Variants in AP4E1 observed in about 807,000 individuals in gnomAD.
AP4E1 encodes adaptor related protein complex 4 subunit epsilon 1.
In AP4E1, 56 loss-of-function variants were observed where a neutral mutation model predicts 128.2. The observed-to-expected ratio is 0.44, with a 90% confidence interval of 0.35 to 0.55. The LOEUF is 0.55. Among genes scored for constraint, AP4E1 ranks in the 20% least tolerant of loss-of-function variants. AP4E1 has a pLI of 0.00. For missense variants in AP4E1, 1,324 were observed against 1,307.7 expected, an observed-to-expected ratio of 1.01 and a Z score of -0.19; for synonymous variants, 484 against 473.1, an observed-to-expected ratio of 1.02 and a Z score of -0.30.
chr15:50,952,122 A>G (rs2064158356), intron 13 of AP4E1, among the ~76,000 whole-genome samples: 1 of 152,206 alleles, frequency 6.6e-6, no homozygotes, highest in Non-Finnish European at 1.5e-5. Flanking sequence ...TGAGCTGTTT[A>G]GAATTGAATT....
intron 7 of AP4E1, among the ~76,000 whole-genome samples, chr15:50,933,750 A>C (rs988119450): frequency 6.6e-6 from 1 of 152,176 alleles, no homozygotes. Context: ...TGAACTTTCT[A>C]GCTGTATATT....
At chr15:50,984,225 C>T in intron 16 of AP4E1, 80 bp downstream of exon 16, 1 of 1,498,888 alleles carries the variant, frequency 6.7e-7, no homozygotes. Context: ...TCTGCTCCTG[C>T]CTCATATCAT....
chr15:50,941,701 C>G lies in AP4E1; in HGVS notation c.1102C>G (p.Pro368Ala). 2 of 1,613,678 alleles carry G rather than the reference C, an allele frequency of 1.2e-6. No homozygotes were observed. The highest frequency in any genetic ancestry group is 1.7e-6 in the Non-Finnish European group (2 of 1,179,738). ...TCTTACCTATGTTATCCAACAGGAT[C>G]CTACTCTGGCTCTTCAACACCAGAT... Reference protein sequence around the residue: ...KALTYVIQQDPTLALQHQMTI... With the variant: ...KALTYVIQQDATLALQHQMTI... Residue 368 changes from proline (P) to alanine (A), a missense_variant, in exon 10 of 21, where the codon CCT becomes GCT. Coordinates refer to ENST00000261842, the MANE Select transcript of AP4E1 (RefSeq NM_007347.5).
At chr15:50,979,139 T>TGTTATGC (rs1491135803) in intron 15 of AP4E1, among the ~76,000 whole-genome samples, 2 of 148,854 alleles carry the variant, frequency 1.3e-5, no homozygotes, top group African/African-American at 5.2e-5. Context: ...TTTCTTGAGG[T>TGTTATGC]ATTCACTGTT....
At chr15:50,959,648 C>A (rs1296527514) in intron 14 of AP4E1, among the ~76,000 whole-genome samples, 1 of 151,996 alleles carries the variant, frequency 6.6e-6, no homozygotes, top group African/African-American at 2.4e-5. Context: ...GGCAGATACA[C>A]AAATGAGAAA....
At chr15:50,990,173 C>T (rs1000230177) in intron 16 of AP4E1, among the ~76,000 whole-genome samples, 1 of 151,620 alleles carries the variant, frequency 6.6e-6, no homozygotes, top group South Asian at 2.1e-4. Context: ...AAGGGCACAC[C>T]GTAGAAAACC....
intron 11 of AP4E1, 36 bp from the exon 12 acceptor site, chr15:50,949,790 A>G (rs1475039474): frequency 1.4e-6 from 2 of 1,460,842 alleles, no homozygotes; most frequent in Non-Finnish European, 1.9e-6. Context: ...AATAAGTAGC[A>G]TTTGGAAGTG....
At chr15:50,940,462 A>G (rs955073912) in intron 8 of AP4E1, among the ~76,000 whole-genome samples, 17 of 152,234 alleles carry the variant, frequency 1.1e-4, no homozygotes, top group African/African-American at 3.6e-4. Flanking sequence ...AAACATAGCT[A>G]GCTGAATATT....
At chr15:50,960,408 A>G (rs143907910) in intron 14 of AP4E1, among the ~76,000 whole-genome samples, 1 of 152,272 alleles carries the variant, frequency 6.6e-6, no homozygotes, top group East Asian at 1.9e-4. Flanking sequence ...AAAAAATTAA[A>G]ATCATAGCAA....
At chr15:50,998,825 A>G (rs2064917558) in intron 18 of AP4E1, among the ~76,000 whole-genome samples, 1 of 152,200 alleles carries the variant, frequency 6.6e-6, no homozygotes. Context: ...CAGCCAGGAC[A>G]TTTACAGTTT....
chr15:50,962,169 T>A (rs2064324483), intron 14 of AP4E1, among the ~76,000 whole-genome samples: 1 of 151,984 alleles, frequency 6.6e-6, no homozygotes, highest in South Asian at 2.1e-4. Flanking sequence ...ACATGAATAT[T>A]GTTAAAATGC....
chr15:50,930,586 T>G (rs917536426), intron 6 of AP4E1, among the ~76,000 whole-genome samples: 5 of 151,976 alleles, frequency 3.3e-5, no homozygotes, highest in Admixed American at 2.0e-4. Flanking sequence ...CGGGGAAAAG[T>G]AGGGAGTGAT....
intron 15 of AP4E1, among the ~76,000 whole-genome samples, chr15:50,974,749 G>A (rs2064529484): frequency 6.6e-6 from 1 of 151,984 alleles, no homozygotes; most frequent in South Asian, 2.1e-4. Flanking sequence ...TATGGTTTCA[G>A]TTTGTATTTT....
At chr15:50,953,669 C>G (rs1044296372) in intron 13 of AP4E1, among the ~76,000 whole-genome samples, 4 of 152,130 alleles carry the variant, frequency 2.6e-5, no homozygotes, top group African/African-American at 9.7e-5. Flanking sequence ...CCCCACAGCA[C>G]AAGAGTTGCG....
At chr15:50,941,868 T>C in intron 10 of AP4E1, 93 bp downstream of exon 10, 1 of 886,208 alleles carries the variant, frequency 1.1e-6, no homozygotes, top group South Asian at 1.4e-5. Context: ...GTGGGCAGTG[T>C]GTATGTTTGC....
chr15:50,944,979 G>A, intron 10 of AP4E1: 2 of 764,028 alleles, frequency 2.6e-6, no homozygotes, highest in Non-Finnish European at 4.8e-6. Context: ...TACAATACAA[G>A]CACATGAAGG....
intron 17 of AP4E1, among the ~76,000 whole-genome samples, chr15:50,996,155 A>AT (rs34048744): frequency 0.14 from 15,799 of 113,346 alleles, 1,283 homozygotes; most frequent in Middle Eastern, 0.2. Flanking sequence ...CGCCTGGCTA[A>AT]TTTTTTTTTT....
At position 50,984,201 on chromosome 15, in the gene AP4E1, C is replaced by T. The variant is rs34877644; in HGVS notation, c.2090+56C>T. ...ATGGGAGTGCTTAAATGTCTTTTAGCGTTCCATTTGCCTTCTGCTCCTGCC... is the reference window on the plus strand; with the variant it reads ...ATGGGAGTGCTTAAATGTCTTTTAGTGTTCCATTTGCCTTCTGCTCCTGCC... On this transcript the variant is annotated intron_variant, in intron 16 of 20. Coordinates refer to ENST00000261842, the MANE Select transcript of AP4E1 (RefSeq NM_007347.5). The T allele has an allele frequency of 4.9e-5, 78 of 1,600,674 alleles. No homozygotes were observed. The East Asian group carries it at 6.1e-4, about 12-fold the overall frequency.
At chr15:50,947,873 T>C (rs763950042) in intron 10 of AP4E1, 147 bp from the exon 11 acceptor site, 15 of 643,972 alleles carry the variant, frequency 2.3e-5, no homozygotes, top group Non-Finnish European at 3.9e-5. Flanking sequence ...TTCATTGAAA[T>C]TTGCATTTCT....
Sources: gnomAD v4.1 joint callset for allele counts (sites outside exome capture counted in the v4.1 genomes callset) on GRCh38, gnomAD v4.1.1 for gene constraint, MANE v1.5 for transcripts, NCBI Gene and HGNC (gene_info 2026-07-23, HGNC 2026-07-21) for gene names.